Variants in HOPX observed in about 807,000 individuals in gnomAD.
The protein encoded by HOPX is HOP homeobox, also known as homeodomain-only protein.
In HOPX, 5 loss-of-function variants were observed where a neutral mutation model predicts 11.8. That is an observed-to-expected ratio of 0.43 (90% CI 0.22 to 0.89). The LOEUF (loss-of-function observed/expected upper bound fraction) is 0.89. HOPX is among the 40% of genes least tolerant of loss of function. The pLI is 0.28. For missense variants in HOPX, 119 were observed against 120.0 expected (o/e 0.99, Z 0.04); for synonymous variants, 49 against 49.7 (o/e 0.99, Z 0.06).
intron 1 of HOPX, among the ~76,000 whole-genome samples, chr4:56,676,167 G>A (rs1176802548): frequency 2.0e-5 from 3 of 151,510 alleles, no homozygotes; most frequent in Non-Finnish European, 4.4e-5. Context: ...GTGTGGTGGT[G>A]TGTGTCTGTG....
At chr4:56,656,120 C>T (rs890352421) in intron 2 of HOPX, 108 bp from the exon 3 acceptor site, 1 of 1,275,618 alleles carries the variant, frequency 7.8e-7, no homozygotes, top group Non-Finnish European at 1.0e-6. Context: ...CCAGGCCGCC[C>T]CCTCCAGCGG....
rs528392952 is a variant in HOPX, at chr4:56,657,864, G to A, written c.-48C>T. 1,731 of 1,551,114 alleles carry A rather than the reference G, an allele frequency of 1.1e-3. 1 individual carries two copies. Among genetic ancestry groups the A allele is most frequent in the Non-Finnish European group, 1.4e-3 (1,622 of 1,146,510 alleles). ...TTGCCCAGCTGGTGACCTGTGCTCC[G>A]CTAGACCCTTCTCAGTGGGGCAGTC... On this transcript the variant is annotated 5_prime_UTR_variant, in exon 2 of 4. Coordinates refer to ENST00000420433, the MANE Select transcript of HOPX (RefSeq NM_032495.6).
intron 3 of HOPX, chr4:56,649,678 C>T (rs1716965866): frequency 6.6e-6 from 1 of 152,238 alleles, no homozygotes; most frequent in South Asian, 2.1e-4. Flanking sequence ...TGTTTCTAGA[C>T]ACGGTATCAT....
At chr4:56,667,374 C>G (rs1470564963) in intron 1 of HOPX, among the ~76,000 whole-genome samples, 1 of 152,160 alleles carries the variant, frequency 6.6e-6, no homozygotes, top group Non-Finnish European at 1.5e-5. Flanking sequence ...TCTCTATTAT[C>G]CAGTTTGAAA....
intron 3 of HOPX, 105 bp downstream of exon 3, chr4:56,655,752 G>T: frequency 7.6e-7 from 1 of 1,307,800 alleles, no homozygotes; most frequent in Non-Finnish European, 1.1e-6. Flanking sequence ...GGAGATCATG[G>T]GGAGGGCAGC....
intron 1 of HOPX, chr4:56,676,685 AG>A (rs1289562395): frequency 1.3e-5 from 2 of 151,690 alleles, no homozygotes; most frequent in African/African-American, 2.4e-5. Context: ...CTAGAGTGCC[AG>A]GGCTCCCAGG....
At chr4:56,673,066 A>G (rs1718826667) in intron 1 of HOPX, among the ~76,000 whole-genome samples, 1 of 152,196 alleles carries the variant, frequency 6.6e-6, no homozygotes, top group Non-Finnish European at 1.5e-5. Context: ...TCTGTTTCCC[A>G]TGAACCAGAT....
chr4:56,654,532 G>A (rs764264299), intron 3 of HOPX, among the ~76,000 whole-genome samples: 4 of 151,974 alleles, frequency 2.6e-5, no homozygotes, highest in Non-Finnish European at 4.4e-5. Context: ...AACATGAGCT[G>A]TTAGACTTGG....
intron 1 of HOPX, among the ~76,000 whole-genome samples, chr4:56,667,848 A>G (rs1718522773): frequency 6.6e-6 from 1 of 152,212 alleles, no homozygotes; most frequent in Non-Finnish European, 1.5e-5. Context: ...TGAGAAATTT[A>G]ACATTTTATG....
intron 1 of HOPX, among the ~76,000 whole-genome samples, chr4:56,671,011 C>A (rs1168597411): frequency 6.6e-6 from 1 of 151,800 alleles, no homozygotes; most frequent in Non-Finnish European, 1.5e-5. Context: ...ATAAGCTACA[C>A]ATACAATGGA....
chr4:56,670,130 T>C (rs1025334815), intron 1 of HOPX, among the ~76,000 whole-genome samples: 3 of 152,172 alleles, frequency 2.0e-5, no homozygotes, highest in Non-Finnish European at 4.4e-5. Flanking sequence ...TTAGTAAGTG[T>C]GAATATCCAT....
chr4:56,675,181 G>A (rs1560375726), intron 1 of HOPX, among the ~76,000 whole-genome samples: 1 of 151,526 alleles, frequency 6.6e-6, no homozygotes, highest in South Asian at 2.1e-4. Context: ...CAGCCTTGGC[G>A]GGAGGGATAC....
chr4:56,656,057 G>A, intron 2 of HOPX, 45 bp from the exon 3 acceptor site: 1 of 1,476,594 alleles, frequency 6.8e-7, no homozygotes, highest in Non-Finnish European at 9.0e-7. Context: ...GGCGTGGAGC[G>A]GGCGGGACGC....
chr4:56,661,372 G>A (rs1375705792), intron 1 of HOPX, among the ~76,000 whole-genome samples: 1 of 152,092 alleles, frequency 6.6e-6, no homozygotes, highest in Non-Finnish European at 1.5e-5. Context: ...TATCTAGGTT[G>A]TTTCCAGATT....
chr4:56,663,685 C>G (rs1466759186), intron 1 of HOPX: 2 of 152,198 alleles, frequency 1.3e-5, no homozygotes, highest in East Asian at 1.9e-4. Context: ...CGAGGTTTCA[C>G]TATGTTGGCC....
At chr4:56,670,772 G>A (rs759982162) in intron 1 of HOPX, among the ~76,000 whole-genome samples, 1 of 152,118 alleles carries the variant, frequency 6.6e-6, no homozygotes, top group Non-Finnish European at 1.5e-5. Flanking sequence ...TGAGGCGAGC[G>A]GATTACTTGA....
chr4:56,677,647 T>C (rs2109556792), intron 1 of HOPX, among the ~76,000 whole-genome samples: 1 of 151,596 alleles, frequency 6.6e-6, no homozygotes, highest in Admixed American at 6.5e-5. Context: ...ATGGCCAGGG[T>C]GGAGCCGGTG....
chr4:56,666,311 G>A (rs1718439191), intron 1 of HOPX, among the ~76,000 whole-genome samples: 1 of 152,226 alleles, frequency 6.6e-6, no homozygotes, highest in Admixed American at 6.5e-5. Flanking sequence ...ACCAGCTGGA[G>A]CTCAGTGATG....
rs1438161343 is a variant in HOPX at position 56,657,860 on chromosome 4, C to T, written c.-44G>A. ...AATGTTGCCCAGCTGGTGACCTGTG[C>T]TCCGCTAGACCCTTCTCAGTGGGGC... On this transcript the variant is annotated 5_prime_UTR_variant, in exon 2 of 4. Transcript: ENST00000420433. 1 of 1,551,102 alleles carries T rather than the reference C, an allele frequency of 6.4e-7. No homozygotes were observed. The highest frequency in any genetic ancestry group is 2.4e-5 in the East Asian group (1 of 40,918).
Sources: allele counts gnomAD v4.1 joint callset (sites outside exome capture counted in the v4.1 genomes callset), GRCh38; gene constraint gnomAD v4.1.1; transcripts MANE v1.5; gene names NCBI Gene and HGNC (gene_info 2026-07-23, HGNC 2026-07-21).